Variants in NAALADL2 observed in about 807,000 individuals in gnomAD.
NAALADL2 encodes inactive N-acetylated-alpha-linked acidic dipeptidase-like protein 2.
A neutral mutation model predicts 87.2 loss-of-function variants in NAALADL2; 76 were observed. That is an observed-to-expected ratio of 0.87 (90% CI 0.72 to 1.05). NAALADL2 has a LOEUF of 1.05. Among genes scored for constraint, NAALADL2 ranks in the 50% least tolerant of loss-of-function variants. NAALADL2 has a pLI of 0.00. For missense variants in NAALADL2, 1,089 were observed against 945.8 expected, an observed-to-expected ratio of 1.15 and a Z score of -1.99; for synonymous variants, 354 against 331.0, an observed-to-expected ratio of 1.07 and a Z score of -0.75.
chr3:174,595,782 G>C (rs1717836095), intron 2 of NAALADL2, among the ~76,000 whole-genome samples: 1 of 151,938 alleles, frequency 6.6e-6, no homozygotes, highest in African/African-American at 2.4e-5. Flanking sequence ...AGGCCGAGGC[G>C]GGCAGATCAC....
chr3:175,036,059 A>ATT (rs1472620942), intron 1 of NAALADL2, among the ~76,000 whole-genome samples: 1 of 152,202 alleles, frequency 6.6e-6, no homozygotes, highest in Non-Finnish European at 1.5e-5. Flanking sequence ...TAGGTCAGTA[A>ATT]TTTGGAAAGC....
At chr3:174,929,526 G>A (rs1016421079) in intron 1 of NAALADL2, among the ~76,000 whole-genome samples, 2 of 152,064 alleles carry the variant, frequency 1.3e-5, no homozygotes, top group Non-Finnish European at 2.9e-5. Flanking sequence ...ATTAATGTAT[G>A]TAAGTATGTA....
intron 3 of NAALADL2, among the ~76,000 whole-genome samples, chr3:174,745,159 G>C (rs1184298083): frequency 6.6e-6 from 1 of 151,894 alleles, no homozygotes; most frequent in Non-Finnish European, 1.5e-5. Flanking sequence ...GAGTCCAGGA[G>C]CTGGTTTTTG....
intron 11 of NAALADL2, among the ~76,000 whole-genome samples, chr3:175,729,912 TA>T (rs1173452597): frequency 6.6e-6 from 1 of 152,158 alleles, no homozygotes; most frequent in Admixed American, 6.5e-5. Context: ...TGAGGACATT[TA>T]AAAAAATCCC....
At chr3:174,768,674 T>A (rs1216209416) in intron 3 of NAALADL2, among the ~76,000 whole-genome samples, 1 of 152,180 alleles carries the variant, frequency 6.6e-6, no homozygotes, top group Non-Finnish European at 1.5e-5. Context: ...AAAATATGGT[T>A]AAAAGTTTGA....
rs989627410 is a variant in NAALADL2, at chr3:175,803,731, CTCT to C, written c.*533_*535del. On this transcript the variant is annotated 3_prime_UTR_variant, in exon 14 of 14. Coordinates refer to ENST00000454872, the MANE Select transcript of NAALADL2 (RefSeq NM_207015.3). The stretch of plus-strand genomic sequence containing the variant: ...GTTTCTATTTTATGAAATGAAGTTT[CTCT>C]TCTTAACACAACTAGATGTAGTAAT... 6 of 152,370 alleles carry C rather than the reference CTCT, an allele frequency of 3.9e-5. No homozygotes were observed. Among genetic ancestry groups the C allele is most frequent in the Non-Finnish European group, 8.8e-5 (6 of 67,964 alleles). The allele number at this position is 152,370 out of a possible 1,614,324, so 9.4% of individuals were successfully genotyped here.
rs1732321286 is a variant in NAALADL2, at chr3:175,661,981, T to TAAAA, written c.1896+34595_1896+34596insAAAA. Among the ~76,000 whole-genome samples the TAAAA allele has an allele frequency of 3.9e-5, 6 of 152,194 alleles. No individual in the cohort carries two copies. In the South Asian group the frequency reaches 8.3e-4, roughly 21 times the overall value. ...AGGGTTGCTTTGGCTATTTGGTGTC[T>TAAAA]TTTGTGGTTCCATACACATTTTATA... On this transcript the variant is annotated intron_variant, in intron 11 of 13. Coordinates refer to ENST00000454872, the MANE Select transcript of NAALADL2 (RefSeq NM_207015.3).
At chr3:174,774,524 G>C (rs1001327040) in intron 3 of NAALADL2, among the ~76,000 whole-genome samples, 4 of 152,144 alleles carry the variant, frequency 2.6e-5, no homozygotes, top group African/African-American at 9.7e-5. Context: ...GGACAACCCT[G>C]TTTCTTCACA....
chr3:174,513,998 A>G (rs533375439), intron 1 of NAALADL2, among the ~76,000 whole-genome samples: 1 of 152,026 alleles, frequency 6.6e-6, no homozygotes, highest in Admixed American at 6.5e-5. Flanking sequence ...CTATCCTTAC[A>G]TTTTTGATCA....
At chr3:174,996,146 C>T (rs966942031) in intron 1 of NAALADL2, among the ~76,000 whole-genome samples, 3 of 152,100 alleles carry the variant, frequency 2.0e-5, no homozygotes, top group African/African-American at 7.2e-5. Context: ...TATAACATGG[C>T]AAATCTTTCT....
chr3:174,749,123 C>T (rs1734573248), intron 3 of NAALADL2, among the ~76,000 whole-genome samples: 1 of 147,790 alleles, frequency 6.8e-6, no homozygotes. Flanking sequence ...TCTACCATGC[C>T]TAATCCCAAT....
chr3:174,728,757 T>C (rs186484790), intron 2 of NAALADL2, among the ~76,000 whole-genome samples: 313 of 152,214 alleles, frequency 2.1e-3, no homozygotes, highest in Non-Finnish European at 3.6e-3. Context: ...AATCGGATTA[T>C]AACTTACATT....
intron 2 of NAALADL2, among the ~76,000 whole-genome samples, chr3:175,212,109 C>T (rs2109273638): frequency 6.6e-6 from 1 of 151,880 alleles, no homozygotes; most frequent in South Asian, 2.1e-4. Flanking sequence ...TATTACTCTC[C>T]CTTGAAAAAT....
chr3:175,086,850 T>C (rs1372676265), intron 1 of NAALADL2, among the ~76,000 whole-genome samples: 1 of 152,188 alleles, frequency 6.6e-6, no homozygotes, highest in Non-Finnish European at 1.5e-5. Context: ...AGATATAGCT[T>C]ATTGCTAGAT....
At position 175,106,934 on chromosome 3, in the gene NAALADL2, A is replaced by G. The variant is rs1723262495; in HGVS notation, c.545+9643A>G. On this transcript the variant is annotated intron_variant, in intron 2 of 13. Coordinates refer to ENST00000454872, the MANE Select transcript of NAALADL2 (RefSeq NM_207015.3). ...TGCAAAAGTATCGAATCAATTAAAT[A>G]TTGTAGTCACTTAAAAATTTTTCCA... Among the ~76,000 whole-genome samples, 3 of 152,024 alleles carry G rather than the reference A, an allele frequency of 2.0e-5. No individual in the cohort carries two copies. The South Asian group carries it at 6.2e-4, about 31-fold the overall frequency.
chr3:174,666,612 A>G (rs573929753), intron 2 of NAALADL2, among the ~76,000 whole-genome samples: 33 of 152,182 alleles, frequency 2.2e-4, no homozygotes, highest in Non-Finnish European at 4.1e-4. Context: ...AAGAACAAGT[A>G]TTCATTTGTG....
intron 5 of NAALADL2, among the ~76,000 whole-genome samples, chr3:175,417,697 T>C (rs1714898733): frequency 6.6e-6 from 1 of 152,096 alleles, no homozygotes; most frequent in African/African-American, 2.4e-5. Context: ...TTATAATGAG[T>C]TCTTTACAAA....
At chr3:175,130,057 A>G (rs1316354835) in intron 2 of NAALADL2, among the ~76,000 whole-genome samples, 2 of 152,166 alleles carry the variant, frequency 1.3e-5, no homozygotes, top group African/African-American at 4.8e-5. Context: ...CTTAGTGATT[A>G]GCGATGTTGT....
chr3:175,576,860 G>A (rs559093853), intron 10 of NAALADL2, among the ~76,000 whole-genome samples: 4 of 152,196 alleles, frequency 2.6e-5, no homozygotes, highest in African/African-American at 9.6e-5. Flanking sequence ...AAAGCCTCTA[G>A]AATGGCTTAC....
Sources: allele counts gnomAD v4.1 joint callset (sites outside exome capture counted in the v4.1 genomes callset), GRCh38; gene constraint gnomAD v4.1.1; transcripts MANE v1.5; gene names NCBI Gene and HGNC (gene_info 2026-07-23, HGNC 2026-07-21).